TEX38: variants seen among roughly 807,000 people sequenced by gnomAD.
TEX38 encodes testis expressed 38.
Under a neutral mutation model 2.7 loss-of-function variants are expected in TEX38, and 5 were observed. The observed-to-expected ratio is 1.86, with a 90% CI of 0.97 to 3.90. The LOEUF is 3.90. Ranked by LOEUF, TEX38 falls within the 30% of genes most tolerant of loss-of-function variation. The pLI, the probability that TEX38 is intolerant of heterozygous loss-of-function variation, is 0.00. For missense variants in TEX38, 218 were observed against 247.9 expected, an observed-to-expected ratio of 0.88 and a Z score of 0.81; for synonymous variants, 110 against 103.3, an observed-to-expected ratio of 1.06 and a Z score of -0.39.
chr1:46,672,991 G>A lies in TEX38; in HGVS notation c.156G>A (p.Val52=), dbSNP rs1676614193. The change falls in exon 2 of 2, where the codon GTG becomes GTA. Residue 52 remains valine (V), a synonymous_variant. Coordinates refer to ENST00000334122, the MANE Select transcript of TEX38 (RefSeq NM_001145474.4). ...GGGAAGAGCATGCCCAGCAGTGGGT[G>A]GAGGTGATGAGAGCTGCCACATTCA... ...LRREEHAQQW[V]EVMRAATFTY... is the part of the protein sequence containing the mutation. The A allele has an allele frequency of 1.9e-6, 3 of 1,551,580 alleles. No individual in the cohort carries two copies. Among genetic ancestry groups the A allele is most frequent in the Admixed American group, 2.0e-5 (1 of 50,988 alleles).
chr1:46,673,074 C>T lies in TEX38; in HGVS notation c.239C>T (p.Ala80Val), dbSNP rs1676617904. Residue 80 changes from alanine (A) to valine (V), a missense_variant, in exon 2 of 2, where the codon GCC (alanine) becomes GTC (valine). Transcript: ENST00000334122. ...CGACGGCGCTACGGCATGAATGCAG[C>T]CATCAACACGGGCCCTGCCCCTGCT... is the stretch of plus-strand genomic sequence containing the variant. ...NKRRRYGMNA[A>V]INTGPAPAVT... The T allele has an allele frequency of 6.4e-7, 1 of 1,551,652 alleles. No homozygotes were observed. Among genetic ancestry groups the T allele is most frequent in the African/African-American group, 1.4e-5 (1 of 73,064 alleles).
upstream of TEX38, chr1:46,669,496 A>C (rs1404524454): frequency 8.8e-6 from 4 of 455,872 alleles, no homozygotes; most frequent in Non-Finnish European, 8.8e-6. Flanking sequence ...CCTCCAAGGG[A>C]CCTAAATGAC....
Position 46,673,237 on chromosome 1 carries a change from G to A in TEX38, c.402G>A (p.Leu134=), listed in dbSNP as rs1676624270. 6.4e-7 allele frequency: 1 copy of A among 1,550,756 alleles called. No homozygotes were observed. Among genetic ancestry groups the A allele is most frequent in the African/African-American group, 1.4e-5 (1 of 73,028 alleles). Residue 134 remains leucine, a synonymous_variant, in exon 2 of 2, where the codon CTG becomes CTA. Transcript: ENST00000334122. ...CTCCCCTGCAACCTGCACTGCAGCT[G>A]GCTCCACAGCAGCCCCAGGCCAGAT... ...APAPLQPALQ[L]APQQPQARSP... is the part of the protein sequence containing the mutation.
upstream of TEX38, among the ~76,000 whole-genome samples, chr1:46,670,759 T>C (rs180807440): frequency 6.6e-6 from 1 of 152,262 alleles, no homozygotes; most frequent in East Asian, 1.9e-4. Flanking sequence ...CTGTGCTAAA[T>C]AGTTCCCTAA....
At chr1:46,672,646 G>T (rs1441842753) in intron 1 of TEX38, among the ~76,000 whole-genome samples, 2 of 152,208 alleles carry the variant, frequency 1.3e-5, no homozygotes, top group Non-Finnish European at 2.9e-5. Flanking sequence ...CCTAGCTTTT[G>T]TGATCTGTAA....
At chr1:46,669,341 C>T (rs574632687), upstream of TEX38, 80 of 453,048 alleles carry the variant, frequency 1.8e-4, 1 homozygote, top group African/African-American at 8.0e-4. Flanking sequence ...CTGCCCTGTG[C>T]GAGGAACAGT....
upstream of TEX38, among the ~76,000 whole-genome samples, chr1:46,671,115 G>C (rs563879791): frequency 1.3e-5 from 2 of 152,326 alleles, no homozygotes; most frequent in East Asian, 3.9e-4. Context: ...GTCTGTCACA[G>C]AGTAGGGGGG....
chr1:46,672,999 TGA>T lies in TEX38; in HGVS notation c.168_169del (p.Arg56SerfsTer14). ...CATGCCCAGCAGTGGGTGGAGGTGA[TGA>T]GAGCTGCCACATTCACCTACAGCCC... On this transcript the variant is annotated frameshift_variant, in exon 2 of 2. Coordinates refer to ENST00000334122, the MANE Select transcript of TEX38 (RefSeq NM_001145474.4). LOFTEE classifies it low-confidence loss of function (END_TRUNC). 1 of 1,551,638 alleles carries T rather than the reference TGA, an allele frequency of 6.4e-7. No individual in the cohort carries two copies. The highest frequency in any genetic ancestry group is 8.7e-7 in the Non-Finnish European group (1 of 1,146,958).
chr1:46,671,165 G>A (rs1314483668), upstream of TEX38, among the ~76,000 whole-genome samples: 1 of 152,170 alleles, frequency 6.6e-6, no homozygotes, highest in Non-Finnish European at 1.5e-5. Context: ...GTTCAGTGGT[G>A]GAAAAGTGGG....
Position 46,671,979 on chromosome 1 carries a change from C to A in TEX38, c.37+8C>A. The A allele has an allele frequency of 1.3e-6, 2 of 1,528,542 alleles. No individual in the cohort carries two copies. The highest frequency in any genetic ancestry group is 1.8e-6 in the Non-Finnish European group (2 of 1,134,072). The allele number at this position is 1,528,542 out of a possible 1,614,324, so 94.7% of individuals were successfully genotyped here. On this transcript the variant is annotated splice_region_variant and intron_variant, in intron 1 of 1. Transcript: ENST00000334122. ...ACCTGCGCTTCCCTGGGAGTAAGTG[C>A]TCCTCCAGTCCCTGTCACTGGACTT...
upstream of TEX38, chr1:46,669,061 C>T (rs745866862): frequency 2.5e-4 from 49 of 194,964 alleles, no homozygotes; most frequent in Non-Finnish European, 3.5e-4. Flanking sequence ...GGAATCCTCT[C>T]TCCTTCCATT....
chr1:46,673,367 C>T lies in TEX38; in HGVS notation c.532C>T (p.Pro178Ser), dbSNP rs200092801. The T allele has an allele frequency of 2.8e-3, 4,275 of 1,551,888 alleles. 11 individuals are homozygous for T. The highest frequency in any genetic ancestry group is 4.0e-3 in the Middle Eastern group (24 of 5,992). Residue 178 changes from proline to serine, a missense_variant, in exon 2 of 2, where the codon CCT becomes TCT. Pro to Ser is a moderately conservative substitution (Grantham distance 74). Coordinates refer to ENST00000334122, the MANE Select transcript of TEX38 (RefSeq NM_001145474.4). Reference sequence around the variant, plus strand: ...TGTCTCCTATCCTTTGGCCACCTGTCCTGAAAGGAATGTTCTCTTCCATTC... The same window carrying T: ...TGTCTCCTATCCTTTGGCCACCTGTTCTGAAAGGAATGTTCTCTTCCATTC... ...HSVSYPLATCPERNVLFHSLL... is the reference protein window; with the variant it reads ...HSVSYPLATCSERNVLFHSLL...
chr1:46,672,479 A>C (rs578169965), intron 1 of TEX38, among the ~76,000 whole-genome samples: 1 of 152,280 alleles, frequency 6.6e-6, no homozygotes, highest in East Asian at 1.9e-4. Flanking sequence ...TCCTGACCTC[A>C]AGTGATCTGC....
In TEX38 at chr1:46,673,363, C is replaced by T; in HGVS notation, c.528C>T (p.Thr176=). ...ACTCTGTCTCCTATCCTTTGGCCAC[C>T]TGTCCTGAAAGGAATGTTCTCTTCC... is the stretch of plus-strand genomic sequence containing the variant. ...LNHSVSYPLA[T]CPERNVLFHS... is the part of the protein sequence containing the mutation. The change falls in exon 2 of 2, where the codon ACC becomes ACT. Residue 176 remains threonine (T), a synonymous_variant. Transcript: ENST00000334122. The T allele has an allele frequency of 6.4e-7, 1 of 1,551,932 alleles. No individual in the cohort carries two copies. Among genetic ancestry groups the T allele is most frequent in the African/African-American group, 1.4e-5 (1 of 73,180 alleles).
intron 1 of TEX38, 109 bp downstream of exon 1, chr1:46,672,080 A>C: frequency 9.2e-7 from 1 of 1,088,250 alleles, no homozygotes; most frequent in Non-Finnish European, 1.3e-6. Flanking sequence ...TGCCTGGAGG[A>C]GAGCTAAGCA....
intron 1 of TEX38, 131 bp from the exon 2 acceptor site, chr1:46,672,741 AG>A (rs778672117): frequency 6.3e-6 from 5 of 792,054 alleles, no homozygotes; most frequent in Admixed American, 2.8e-5. Context: ...AAGGGAGGGA[AG>A]GAACGGTGAG....
chr1:46,670,363 T>A (rs543560029), upstream of TEX38, among the ~76,000 whole-genome samples: 1 of 152,170 alleles, frequency 6.6e-6, no homozygotes, highest in Non-Finnish European at 1.5e-5. Context: ...GAGATACTAC[T>A]TATGAAGAGG....
At chr1:46,669,794 A>G (rs1047867345), upstream of TEX38, among the ~76,000 whole-genome samples, 8 of 152,298 alleles carry the variant, frequency 5.3e-5, no homozygotes, top group African/African-American at 1.9e-4. Context: ...CAGCAAGTGC[A>G]AAGGCCCTGA....
chr1:46,672,877 G>A lies in TEX38; in HGVS notation c.42G>A (p.Trp14Ter). 2 of 1,549,822 alleles carry A rather than the reference G, an allele frequency of 1.3e-6. No individual in the cohort carries two copies. Among genetic ancestry groups the A allele is most frequent in the Non-Finnish European group, 1.7e-6 (2 of 1,145,698 alleles). The change falls in exon 2 of 2, where the codon TGG becomes TGA. Residue 14 changes from tryptophan to a stop codon, truncating the protein, a stop_gained. Transcript: ENST00000334122. LOFTEE classifies it low-confidence loss of function (END_TRUNC). Reference protein sequence around the residue: ...QQEDLRFPGMWVSLYFGILGL... With the variant: ...QQEDLRFPGM ...TTTTCTTTCTTGCTGCCTTAGTGTG[G>A]GTCTCATTGTACTTTGGAATCCTGG...
Sources: gnomAD v4.1 joint callset for allele counts (sites outside exome capture counted in the v4.1 genomes callset) on GRCh38, gnomAD v4.1.1 for gene constraint, MANE v1.5 for transcripts, NCBI Gene and HGNC (gene_info 2026-07-23, HGNC 2026-07-21) for gene names.